The following SCN10A variants were observed in gnomAD, a reference collection of about 807,000 sequenced individuals.
SCN10A encodes sodium voltage-gated channel alpha subunit 10, also known as sodium channel protein type 10 subunit alpha.
SCN10A carries 162 observed loss-of-function variants against 170.7 expected under a neutral mutation model. That is an observed-to-expected ratio of 0.95 (90% CI 0.84 to 1.08). The LOEUF is 1.08. SCN10A is among the 50% of genes least tolerant of loss of function. The pLI is 0.00. For synonymous variants in SCN10A, 985 were observed against 904.6 expected (o/e 1.09, Z -1.59); for missense variants, 2,527 against 2,436.9 (o/e 1.04, Z -0.78).
At position 38,725,116 on chromosome 3, in the gene SCN10A, GC is replaced by G. The variant is rs1160400049; in HGVS notation, c.3228+57del. On this transcript the variant is annotated intron_variant, in intron 18 of 27. Transcript: ENST00000449082. ...CACCGCCACCCTCCAGCCTCTACCA[GC>G]CCACTGCTCAGTGTCTGGCTGGCTG... 2.0e-6 allele frequency: 3 copies of G among 1,484,272 alleles called. No homozygotes were observed. The Admixed American group carries it at 5.6e-5, about 28-fold the overall frequency. The allele number at this position is 1,484,272 out of a possible 1,614,324, so 91.9% of individuals were successfully genotyped here. A position where few individuals can be genotyped will look rare whatever the true frequency, so the allele number is the denominator to read the frequency against.
At chr3:38,699,901 T>C (rs2063139118) in intron 27 of SCN10A, among the ~76,000 whole-genome samples, 1 of 152,170 alleles carries the variant, frequency 6.6e-6, no homozygotes, top group Non-Finnish European at 1.5e-5. Context: ...GTGGGTTTTT[T>C]CTGCTTATTT....
intron 1 of SCN10A, among the ~76,000 whole-genome samples, chr3:38,799,919 A>T (rs1404332226): frequency 6.6e-6 from 1 of 152,092 alleles, no homozygotes; most frequent in Non-Finnish European, 1.5e-5. Flanking sequence ...GTCCTAAGAT[A>T]TGTTCTCTAA....
At chr3:38,776,876 T>C (rs1204225840) in intron 4 of SCN10A, among the ~76,000 whole-genome samples, 1 of 151,994 alleles carries the variant, frequency 6.6e-6, no homozygotes, top group Non-Finnish European at 1.5e-5. Context: ...CTGGAACCAT[T>C]AAAAATAGAC....
intron 1 of SCN10A, among the ~76,000 whole-genome samples, chr3:38,814,716 A>G (rs1236769483): frequency 1.3e-5 from 2 of 152,186 alleles, no homozygotes; most frequent in African/African-American, 2.4e-5. Context: ...TATTATTACT[A>G]TTATCACTAC....
chr3:38,755,817 G>C lies in SCN10A; in HGVS notation c.1432C>G (p.Arg478Gly). 1 of 1,613,980 alleles carries C rather than the reference G, an allele frequency of 6.2e-7. No individual in the cohort carries two copies. Among genetic ancestry groups the C allele is most frequent in the Middle Eastern group, 1.7e-4 (1 of 5,940 alleles). Residue 478 changes from arginine (R) to glycine (G), a missense_variant, in exon 11 of 28, where the codon CGC becomes GGC. Arg to Gly is a moderately radical substitution (Grantham distance 125). Transcript: ENST00000449082. ...CTGCGCTGGTTGTAAGGATCAGAGCGGGGTGATTTGTTGTCTTCTGTGGAG... is the reference window on the plus strand; with the variant it reads ...CTGCGCTGGTTGTAAGGATCAGAGCCGGGTGATTTGTTGTCTTCTGTGGAG... Reference protein sequence around the residue: ...EGSTEDNKSPRSDPYNQRRMS... With the variant: ...EGSTEDNKSPGSDPYNQRRMS...
rs965922720 is a variant in SCN10A at position 38,812,320 on chromosome 3, G to C, written c.-33+3717C>G. Among the ~76,000 whole-genome samples the C allele has an allele frequency of 3.3e-5, 5 of 152,152 alleles. 1 individual carries two copies. In the South Asian group the frequency reaches 1.0e-3, roughly 32 times the overall value. ...TCTGCAGAGAAGCCACTAAAGCCTT[G>C]AGGCTAACTTAGTGAAGGTCATAGC... is the stretch of plus-strand genomic sequence containing the variant. On this transcript the variant is annotated intron_variant, in intron 1 of 27. Transcript: ENST00000449082.
intron 22 of SCN10A, among the ~76,000 whole-genome samples, chr3:38,713,676 C>T (rs2063299373): frequency 6.6e-6 from 1 of 152,074 alleles, no homozygotes; most frequent in African/African-American, 2.4e-5. Flanking sequence ...GTTACCAAAA[C>T]CTGCAGACCA....
intron 3 of SCN10A, among the ~76,000 whole-genome samples, chr3:38,791,327 T>G (rs1285378726): frequency 6.6e-6 from 1 of 152,200 alleles, no homozygotes; most frequent in Non-Finnish European, 1.5e-5. Context: ...TTTCTACTAG[T>G]TTGGCTTGCC....
At chr3:38,735,186 A>AG (rs1410112491) in intron 15 of SCN10A, among the ~76,000 whole-genome samples, 3 of 151,550 alleles carry the variant, frequency 2.0e-5, no homozygotes, top group African/African-American at 7.2e-5. Flanking sequence ...AAAAAAAAAA[A>AG]AAAGAAAGAA....
intron 3 of SCN10A, among the ~76,000 whole-genome samples, chr3:38,791,175 G>A (rs2064276068): frequency 1.3e-5 from 2 of 152,156 alleles, no homozygotes; most frequent in Admixed American, 6.5e-5. Context: ...GTGTATTCTT[G>A]TACATCAACC....
At chr3:38,703,499 C>T (rs542632865) in intron 26 of SCN10A, among the ~76,000 whole-genome samples, 10 of 152,336 alleles carry the variant, frequency 6.6e-5, no homozygotes, top group African/African-American at 2.2e-4. Flanking sequence ...ATCAACAGAG[C>T]TTTTGCCTCT....
rs2063284954 is a variant in SCN10A at position 38,712,391 on chromosome 3, C to CGAG, written c.3856_3858dup (p.Leu1286dup). ...AAGATGAGCCAGAAGATGAGGCAGA[C>CGAG]GAGGAGGACATTCATGATGGATGGG... On this transcript the variant is annotated inframe_insertion, in exon 23 of 28. Transcript: ENST00000449082. 6.2e-7 allele frequency: 1 copy of CGAG among 1,614,044 alleles called. No homozygotes were observed. Among genetic ancestry groups the CGAG allele is most frequent in the Admixed American group, 1.7e-5 (1 of 59,998 alleles).
chr3:38,759,381 C>T (rs1364842203), intron 8 of SCN10A, among the ~76,000 whole-genome samples: 12 of 152,040 alleles, frequency 7.9e-5, no homozygotes, highest in Admixed American at 6.6e-4. Context: ...GAATGGTCTT[C>T]GCTGAAACTA....
At chr3:38,811,694 G>A (rs2064442132) in intron 1 of SCN10A, among the ~76,000 whole-genome samples, 1 of 152,146 alleles carries the variant, frequency 6.6e-6, no homozygotes. Flanking sequence ...TGCAGAATTT[G>A]AGACTAGGTA....
intron 15 of SCN10A, among the ~76,000 whole-genome samples, chr3:38,729,127 C>T (rs112711636): frequency 2.1e-3 from 322 of 152,272 alleles, no homozygotes; most frequent in African/African-American, 7.1e-3. Context: ...GCTTCATTGA[C>T]TGTGGCTGAG....
chr3:38,803,309 C>T (rs143023391), intron 1 of SCN10A, among the ~76,000 whole-genome samples: 17,739 of 152,064 alleles, frequency 0.12, 1,160 homozygotes, highest in African/African-American at 0.17. Context: ...GGTATATACC[C>T]AAAGGATTAT....
chr3:38,751,960 A>G lies in SCN10A; in HGVS notation c.1755+259T>C, dbSNP rs530879729. ...TGAGTGGGGACAGAGAAGCACTGAT[A>G]AGAAATATGGGGTCAAATGGAATAT... is the stretch of plus-strand genomic sequence containing the variant. On this transcript the variant is annotated intron_variant, in intron 12 of 27. Transcript: ENST00000449082. Among the ~76,000 whole-genome samples, 10 of 152,270 alleles carry G rather than the reference A, an allele frequency of 6.6e-5. No homozygotes were observed. The East Asian group carries it at 1.7e-3, about 26-fold the overall frequency.
rs1160765499 is a variant in SCN10A at position 38,726,491 on chromosome 3, T to A, written c.3087+115A>T. 7.6e-6 allele frequency: 6 copies of A among 792,170 alleles called. No homozygotes were observed. In the South Asian group the frequency reaches 8.1e-5, roughly 11 times the overall value. 49.1% of individuals were successfully genotyped at this position (792,170 alleles called of 1,614,324 possible). On this transcript the variant is annotated intron_variant, in intron 17 of 27. Coordinates refer to ENST00000449082, the MANE Select transcript of SCN10A (RefSeq NM_006514.4). ...GCCAACTCCTCTGGAAAGCTTGGCA[T>A]GGTTTAAACTTCTTTATGTCAAGGT...
intron 13 of SCN10A, among the ~76,000 whole-genome samples, chr3:38,747,745 A>G (rs1051049522): frequency 1.3e-5 from 2 of 152,204 alleles, no homozygotes; most frequent in Non-Finnish European, 2.9e-5. Flanking sequence ...GCTTGTTGCT[A>G]TCTCATTCTT....
Sources: gnomAD v4.1 joint callset for allele counts (sites outside exome capture counted in the v4.1 genomes callset) on GRCh38, gnomAD v4.1.1 for gene constraint, MANE v1.5 for transcripts, NCBI Gene and HGNC (gene_info 2026-07-23, HGNC 2026-07-21) for gene names.